Variants in SNX31 observed in about 807,000 individuals in gnomAD.
SNX31 encodes sorting nexin 31.
Under a neutral mutation model 65.4 loss-of-function variants are expected in SNX31, and 58 were observed. That is an observed-to-expected ratio of 0.89 (90% CI 0.72 to 1.10). SNX31 has a LOEUF of 1.10. SNX31 is among the 50% of genes least tolerant of loss of function. The pLI, the probability that SNX31 is intolerant of heterozygous loss-of-function variation, is 0.00. For synonymous variants in SNX31, 181 were observed against 190.1 expected, an observed-to-expected ratio of 0.95 and a Z score of 0.39; for missense variants, 523 against 529.7, an observed-to-expected ratio of 0.99 and a Z score of 0.12.
intron 1 of SNX31, among the ~76,000 whole-genome samples, chr8:100,658,092 G>A (rs1563594980): frequency 6.6e-6 from 1 of 152,098 alleles, no homozygotes; most frequent in East Asian, 1.9e-4. Context: ...CACCTTCAGG[G>A]ATCCTGATTT....
In SNX31 at chr8:100,612,667, G is replaced by T. The variant is rs1816816561; in HGVS notation, c.523+328C>A. Among the ~76,000 whole-genome samples, 1 of 152,156 alleles carries T rather than the reference G, an allele frequency of 6.6e-6. No individual in the cohort carries two copies. Among genetic ancestry groups the T allele is most frequent in the African/African-American group, 2.4e-5 (1 of 41,438 alleles). ...GCTGTGGTGGGGCGTCCTGACCCCT[G>T]GAGTCTAGCACTCCATTCACAGGAA... On this transcript the variant is annotated intron_variant, in intron 6 of 13. Transcript: ENST00000311812. The surrounding 1 kb of genome is among the most constrained non-coding windows in gnomAD (Gnocchi z 4.3).
At chr8:100,596,544 T>C (rs1815106770) in intron 10 of SNX31, 95 bp downstream of exon 10, 1 of 1,035,874 alleles carries the variant, frequency 9.7e-7, no homozygotes, top group Non-Finnish European at 1.5e-6. Flanking sequence ...AGGTACAGAT[T>C]CAAATGGCAA....
At chr8:100,639,471 GA>G (rs1563577998) in intron 2 of SNX31, among the ~76,000 whole-genome samples, 1 of 152,162 alleles carries the variant, frequency 6.6e-6, no homozygotes, top group East Asian at 1.9e-4. Flanking sequence ...TGTGTATACA[GA>G]ATCAAACAAG....
intron 4 of SNX31, chr8:100,619,086 G>T (rs1031080976): frequency 6.6e-6 from 1 of 152,018 alleles, no homozygotes; most frequent in African/African-American, 2.4e-5. Context: ...TGACCAGTCC[G>T]CATCCTGATA....
At chr8:100,623,246 T>C (rs1450772617) in intron 4 of SNX31, among the ~76,000 whole-genome samples, 1 of 152,032 alleles carries the variant, frequency 6.6e-6, no homozygotes, top group African/African-American at 2.4e-5. Context: ...CCACACACTT[T>C]TAAACAACCA....
rs1323223117 is a variant in SNX31 at position 100,588,047 on chromosome 8, G to A, written c.1092+819C>T. Reference sequence around the variant, plus strand: ...ATACTGAATAAATTCTGAGGCAATTGTAACACAATGATAAGTATGTGTATC... The same window carrying A: ...ATACTGAATAAATTCTGAGGCAATTATAACACAATGATAAGTATGTGTATC... On this transcript the variant is annotated intron_variant, in intron 11 of 13. Transcript: ENST00000311812. The surrounding 1 kb of genome is among the most constrained non-coding windows in gnomAD (Gnocchi z 4.8). Among the ~76,000 whole-genome samples, 1 of 151,992 alleles carries A rather than the reference G, an allele frequency of 6.6e-6. No homozygotes were observed. The highest frequency in any genetic ancestry group is 1.5e-5 in the Non-Finnish European group (1 of 67,992).
intron 4 of SNX31, among the ~76,000 whole-genome samples, chr8:100,620,264 G>A (rs960892465): frequency 6.6e-6 from 1 of 152,128 alleles, no homozygotes; most frequent in African/African-American, 2.4e-5. Flanking sequence ...TCTCCACCAT[G>A]GGCAACAGCT....
intron 2 of SNX31, among the ~76,000 whole-genome samples, chr8:100,647,570 T>G (rs1459374798): frequency 6.6e-6 from 1 of 152,192 alleles, no homozygotes; most frequent in Non-Finnish European, 1.5e-5. Context: ...TGAGCATATA[T>G]TATGTACCAG....
chr8:100,644,252 T>C (rs1290201101), intron 2 of SNX31, among the ~76,000 whole-genome samples: 2 of 152,122 alleles, frequency 1.3e-5, no homozygotes, highest in Non-Finnish European at 2.9e-5. Context: ...TCCCAACTTG[T>C]CCCCATTGCC....
intron 1 of SNX31, among the ~76,000 whole-genome samples, chr8:100,655,006 C>A (rs1820034583): frequency 6.6e-6 from 1 of 152,152 alleles, no homozygotes; most frequent in Non-Finnish European, 1.5e-5. Context: ...GAGTGAGAAT[C>A]CGTCTCAAAA....
At chr8:100,632,038 G>A (rs1445854105) in intron 3 of SNX31, among the ~76,000 whole-genome samples, 3 of 152,176 alleles carry the variant, frequency 2.0e-5, no homozygotes, top group Non-Finnish European at 4.4e-5. Flanking sequence ...AGAAACTGAG[G>A]CTCAGAGAAG....
rs910433618 is a variant in SNX31 at position 100,588,791 on chromosome 8, T to C, written c.1092+75A>G. 36 of 1,094,974 alleles carry C rather than the reference T, an allele frequency of 3.3e-5. No homozygotes were observed. In the Admixed American group the frequency reaches 6.3e-4, roughly 19 times the overall value. 67.8% of individuals were successfully genotyped at this position (1,094,974 alleles called of 1,614,324 possible). Reference sequence around the variant, plus strand: ...TCCTGCTCTAGTTGGGTTAGGGTCATGTGCTTCATCCACCCCAGCAAGCAA... The same window carrying C: ...TCCTGCTCTAGTTGGGTTAGGGTCACGTGCTTCATCCACCCCAGCAAGCAA... On this transcript the variant is annotated intron_variant, in intron 11 of 13. Transcript: ENST00000311812. The surrounding 1 kb of genome is among the most constrained non-coding windows in gnomAD (Gnocchi z 4.8).
chr8:100,632,183 G>A (rs527799970), intron 3 of SNX31, among the ~76,000 whole-genome samples: 9 of 152,130 alleles, frequency 5.9e-5, no homozygotes, highest in African/African-American at 1.9e-4. Context: ...TGTCAAAGAC[G>A]GTACACAGGT....
chr8:100,600,346 C>T lies in SNX31; in HGVS notation c.774+3G>A, dbSNP rs753478523. ...ATTTCTCTTGGAGCAATATTTGATT[C>T]ACCTTTGTTTGACTGTCTTCTTTCT... On this transcript the variant is annotated splice_donor_region_variant and intron_variant, in intron 9 of 13. Coordinates refer to ENST00000311812, the MANE Select transcript of SNX31 (RefSeq NM_152628.4). The T allele has an allele frequency of 1.2e-6, 2 of 1,611,832 alleles. No homozygotes were observed. Among genetic ancestry groups the T allele is most frequent in the South Asian group, 1.1e-5 (1 of 90,958 alleles).
rs771973252 is a variant in SNX31 at position 100,588,937 on chromosome 8, G to T, written c.1021C>A (p.Gln341Lys). The T allele has an allele frequency of 6.2e-7, 1 of 1,614,010 alleles. No individual in the cohort carries two copies. The highest frequency in any genetic ancestry group is 2.2e-5 in the East Asian group (1 of 44,874). The stretch of plus-strand genomic sequence containing the variant: ...TATTGAAATCTGAGCTCTAAGTTCT[G>T]GTTGAGAGTTCTCTGGGGCCCATCC... The part of the protein sequence containing the change: ...DTDGPQRTLN[Q>K]NLELRFQYSE... Residue 341 changes from glutamine to lysine, a missense_variant, in exon 11 of 14, where the codon CAG becomes AAG. By Grantham distance (53) the Gln-to-Lys change is moderately conservative. Transcript: ENST00000311812. This position sits in a 1 kb window ranked among gnomAD's most constrained non-coding sequence, Gnocchi z 4.8.
In SNX31 at chr8:100,588,397, A is replaced by G. The variant is rs1814245791; in HGVS notation, c.1092+469T>C. ...CAGTATTTTTATTAACTAAGATCAT[A>G]AAAATCTGTATTGCCTAAGTCAGGG... On this transcript the variant is annotated intron_variant, in intron 11 of 13. Coordinates refer to ENST00000311812, the MANE Select transcript of SNX31 (RefSeq NM_152628.4). This position sits in a 1 kb window ranked among gnomAD's most constrained non-coding sequence, Gnocchi z 4.8. Among the ~76,000 whole-genome samples, 1 of 152,186 alleles carries G rather than the reference A, an allele frequency of 6.6e-6. No homozygotes were observed. Among genetic ancestry groups the G allele is most frequent in the Non-Finnish European group, 1.5e-5 (1 of 68,044 alleles).
At chr8:100,661,299 C>T (rs1026961849) in intron 1 of SNX31, among the ~76,000 whole-genome samples, 7 of 151,868 alleles carry the variant, frequency 4.6e-5, no homozygotes, top group African/African-American at 1.2e-4. Flanking sequence ...AGCCACTGCG[C>T]CCGGCAAAAG....
In SNX31 at chr8:100,622,984, C is replaced by T. The variant is rs1183262142; in HGVS notation, c.322-5254G>A. The stretch of plus-strand genomic sequence containing the variant: ...GGCAGCTGCACTCACCTTCCTTCCA[C>T]CTTCTATCACACCCTACTGGTTTGT... On this transcript the variant is annotated intron_variant, in intron 4 of 13. Coordinates refer to ENST00000311812, the MANE Select transcript of SNX31 (RefSeq NM_152628.4). This position sits in a 1 kb window ranked among gnomAD's most constrained non-coding sequence, Gnocchi z 5.0. Among the ~76,000 whole-genome samples the T allele has an allele frequency of 1.3e-5, 2 of 152,222 alleles. No individual in the cohort carries two copies. The highest frequency in any genetic ancestry group is 2.9e-5 in the Non-Finnish European group (2 of 68,044).
intron 8 of SNX31, among the ~76,000 whole-genome samples, chr8:100,601,574 T>A (rs1815629358): frequency 6.6e-6 from 1 of 152,220 alleles, no homozygotes; most frequent in Non-Finnish European, 1.5e-5. Flanking sequence ...TCTACTTTCA[T>A]TTTTGAACTC....
Sources: allele counts gnomAD v4.1 joint callset (sites outside exome capture counted in the v4.1 genomes callset), GRCh38; gene constraint gnomAD v4.1.1; non-coding constraint Gnocchi (gnomAD v3.1); transcripts MANE v1.5; gene names NCBI Gene and HGNC (gene_info 2026-07-23, HGNC 2026-07-21).